IPO11: variants seen among roughly 807,000 people sequenced by gnomAD.
IPO11 encodes the protein importin 11, also known as importin-11.
Under a neutral mutation model 143.2 loss-of-function variants are expected in IPO11, and 66 were observed. The ratio of observed to expected loss-of-function variants is 0.46; its 90% CI spans 0.38 to 0.57. The LOEUF (loss-of-function observed/expected upper bound fraction) is 0.57, where lower values mean the gene tolerates loss of function less well. Ranked by LOEUF, IPO11 falls within the 20% of genes least tolerant of loss-of-function variation. The pLI, the probability that IPO11 is intolerant of heterozygous loss-of-function variation, is 0.00. For synonymous variants in IPO11, 385 were observed against 377.8 expected (o/e 1.02, Z -0.22); for missense variants, 1,026 against 1,141.0 (o/e 0.90, Z 1.45).
At chr5:62,421,324 A>G (rs1380126359) in intron 1 of IPO11, among the ~76,000 whole-genome samples, 2 of 152,224 alleles carry the variant, frequency 1.3e-5, no homozygotes, top group East Asian at 1.9e-4. Flanking sequence ...AACCTTGTGT[A>G]GGGTATCTTC....
At chr5:62,495,118 CTAAG>C (rs1201428207) in intron 16 of IPO11, among the ~76,000 whole-genome samples, 3 of 152,080 alleles carry the variant, frequency 2.0e-5, no homozygotes, top group Non-Finnish European at 2.9e-5. Context: ...GATTTTCTAC[CTAAG>C]TATTATCTGC....
chr5:62,550,480 G>A lies in IPO11; in HGVS notation c.2346+18G>A, dbSNP rs747030407. 5 of 1,522,596 alleles carry A rather than the reference G, an allele frequency of 3.3e-6. No homozygotes were observed. The highest frequency in any genetic ancestry group is 4.5e-6 in the Non-Finnish European group (5 of 1,099,704). 94.3% of individuals were successfully genotyped at this position (1,522,596 alleles called of 1,614,324 possible). On this transcript the variant is annotated intron_variant, in intron 25 of 29. Coordinates refer to ENST00000325324, the MANE Select transcript of IPO11 (RefSeq NM_016338.5). ...AAGGGGAGGTAAGATTTTTCTTTAA[G>A]TTCCAAAGGTAGTGTTAGACTATAG... is the stretch of plus-strand genomic sequence containing the variant.
At chr5:62,517,507 ATTCT>A (rs1405521160) in intron 20 of IPO11, among the ~76,000 whole-genome samples, 22 of 152,092 alleles carry the variant, frequency 1.4e-4, no homozygotes, top group Non-Finnish European at 2.9e-5. Context: ...GGTTCAAGCA[ATTCT>A]CCTGCCTCAT....
intron 27 of IPO11, among the ~76,000 whole-genome samples, chr5:62,567,166 T>G (rs1436414234): frequency 6.6e-6 from 1 of 152,244 alleles, no homozygotes; most frequent in Non-Finnish European, 1.5e-5. Flanking sequence ...CTCTCCTGCA[T>G]GTTTGAAGTA....
At chr5:62,478,301 G>A (rs1188602930) in intron 9 of IPO11, among the ~76,000 whole-genome samples, 1 of 152,072 alleles carries the variant, frequency 6.6e-6, no homozygotes, top group African/African-American at 2.4e-5. Context: ...AAGTAGCTGG[G>A]ACCAGAGGCA....
intron 26 of IPO11, among the ~76,000 whole-genome samples, chr5:62,558,472 C>T (rs562746662): frequency 1.9e-3 from 288 of 152,204 alleles, no homozygotes; most frequent in African/African-American, 6.6e-3. Flanking sequence ...TTGCTAGTAA[C>T]ATAAAGTTTA....
intron 1 of IPO11, among the ~76,000 whole-genome samples, chr5:62,415,828 T>C (rs1343382888): frequency 1.3e-5 from 2 of 152,150 alleles, no homozygotes; most frequent in East Asian, 3.8e-4. Context: ...TGAAATACAT[T>C]GAGTGGGAAC....
At chr5:62,579,831 T>G in intron 27 of IPO11, 1 of 1,547,168 alleles carries the variant, frequency 6.5e-7, no homozygotes, top group Non-Finnish European at 8.7e-7. Context: ...TTAAGGGACT[T>G]TTAAATCTTC....
At chr5:62,532,127 C>T (rs926637508) in intron 22 of IPO11, among the ~76,000 whole-genome samples, 3 of 152,180 alleles carry the variant, frequency 2.0e-5, no homozygotes, top group African/African-American at 7.2e-5. Context: ...TGTGTGATTT[C>T]ACATATTGGT....
intron 29 of IPO11, among the ~76,000 whole-genome samples, chr5:62,620,905 G>A (rs1351152158): frequency 6.6e-6 from 1 of 152,152 alleles, no homozygotes; most frequent in Non-Finnish European, 1.5e-5. Context: ...GGTGGGTGGC[G>A]GAGGGCCTTA....
intron 29 of IPO11, among the ~76,000 whole-genome samples, chr5:62,626,949 G>T (rs558438756): frequency 2.6e-5 from 4 of 152,164 alleles, no homozygotes; most frequent in Admixed American, 2.0e-4. Flanking sequence ...TTCAGGGGGC[G>T]CTAGGGAACT....
intron 19 of IPO11, 46 bp downstream of exon 19, chr5:62,506,403 T>C (rs780040153): frequency 5.9e-6 from 6 of 1,025,314 alleles, no homozygotes; most frequent in East Asian, 2.4e-5. Context: ...GTGGGTAGAA[T>C]AGACGTAGAA....
intron 27 of IPO11, among the ~76,000 whole-genome samples, chr5:62,587,183 G>T (rs1462988935): frequency 6.6e-6 from 1 of 151,512 alleles, no homozygotes; most frequent in African/African-American, 2.4e-5. Flanking sequence ...CGACACTGCT[G>T]TGTGTGTGTG....
At chr5:62,479,717 C>G (rs544749387) in intron 9 of IPO11, among the ~76,000 whole-genome samples, 1 of 152,224 alleles carries the variant, frequency 6.6e-6, no homozygotes, top group East Asian at 1.9e-4. Flanking sequence ...CATGTGTCTG[C>G]TGGCTGCATA....
intron 4 of IPO11, 142 bp downstream of exon 4, chr5:62,450,141 T>A: frequency 1.8e-6 from 1 of 543,492 alleles, no homozygotes; most frequent in East Asian, 3.3e-5. Flanking sequence ...ATTTTTAAAT[T>A]TTGAGATCTA....
intron 7 of IPO11, among the ~76,000 whole-genome samples, chr5:62,472,348 G>C (rs1745801084): frequency 6.6e-6 from 1 of 152,004 alleles, no homozygotes; most frequent in Non-Finnish European, 1.5e-5. Flanking sequence ...ATAGTAGTTT[G>C]CACTGGCTGT....
chr5:62,466,391 T>C (rs1346882565), intron 5 of IPO11, among the ~76,000 whole-genome samples: 1 of 152,262 alleles, frequency 6.6e-6, no homozygotes, highest in Non-Finnish European at 1.5e-5. Context: ...TTAGTCAACA[T>C]GAGATGCTTA....
At chr5:62,601,918 C>A in intron 29 of IPO11, 70 bp downstream of exon 29, 1 of 906,730 alleles carries the variant, frequency 1.1e-6, no homozygotes, top group Non-Finnish European at 1.7e-6. Context: ...TCAGAAATAT[C>A]TATGGTCTAT....
In IPO11 at chr5:62,542,105, C is replaced by T. The variant is rs546973415; in HGVS notation, c.2250+4816C>T. 1.5e-4 allele frequency among the ~76,000 whole-genome samples: 22 copies of T among 150,676 alleles called. No individual in the cohort carries two copies. In the South Asian group the frequency reaches 3.8e-3, roughly 26 times the overall value. On this transcript the variant is annotated intron_variant, in intron 24 of 29. Transcript: ENST00000325324. ...TTTTTATTTTTTTAAGATGGAGTTA[C>T]GCTCTTGTTGCCCAGGCTGGAGTGC...
Sources: allele counts gnomAD v4.1 joint callset (sites outside exome capture counted in the v4.1 genomes callset), GRCh38; gene constraint gnomAD v4.1.1; transcripts MANE v1.5; gene names NCBI Gene and HGNC (gene_info 2026-07-23, HGNC 2026-07-21).